The following ATP6V0A4 variants were observed in gnomAD, a reference collection of about 807,000 sequenced individuals.
ATP6V0A4 encodes ATPase H+ transporting V0 subunit a4.
Under a neutral mutation model 107.3 loss-of-function variants are expected in ATP6V0A4, and 86 were observed. The observed-to-expected ratio is 0.80, with a 90% CI of 0.67 to 0.96. The LOEUF is 0.96. Among genes scored for constraint, ATP6V0A4 ranks in the 40% least tolerant of loss-of-function variants. ATP6V0A4 has a pLI of 0.00. For synonymous variants in ATP6V0A4, 353 were observed against 381.4 expected (o/e 0.93, Z 0.87); for missense variants, 908 against 1,045.6 (o/e 0.87, Z 1.81).
chr7:138,797,693 G>A (rs1258071767), intron 1 of ATP6V0A4, among the ~76,000 whole-genome samples: 3 of 152,088 alleles, frequency 2.0e-5, no homozygotes, highest in Admixed American at 6.5e-5. Flanking sequence ...CATAGTGGGT[G>A]CTCAGTGAAT....
chr7:138,717,612 A>G (rs1288016217), intron 19 of ATP6V0A4, among the ~76,000 whole-genome samples: 1 of 151,700 alleles, frequency 6.6e-6, no homozygotes, highest in African/African-American at 2.4e-5. Context: ...CTTCATTCAG[A>G]GATAACAAAA....
At chr7:138,775,296 C>T (rs1807608210) in intron 2 of ATP6V0A4, among the ~76,000 whole-genome samples, 1 of 152,152 alleles carries the variant, frequency 6.6e-6, no homozygotes, top group African/African-American at 2.4e-5. Flanking sequence ...TATTTGGAAG[C>T]AAATCCCATA....
Position 138,747,483 on chromosome 7 carries a change from G to T in ATP6V0A4, c.1262C>A (p.Ala421Asp). 1 of 1,614,082 alleles carries T rather than the reference G, an allele frequency of 6.2e-7. No homozygotes were observed. The highest frequency in any genetic ancestry group is 2.2e-5 in the East Asian group (1 of 44,880). Reference protein sequence around the residue: ...DCGHGTVMLLAALWMILNERR... With the variant: ...DCGHGTVMLLDALWMILNERR... The stretch of plus-strand genomic sequence containing the variant: ...CTCATTCAGAATCATCCAAAGTGCA[G>T]CCAGGAGCATCACGGTTCCATGACC... The change falls in exon 13 of 22, where the codon GCT becomes GAT. Residue 421 changes from alanine to aspartate, a missense_variant. By Grantham distance (126) the Ala-to-Asp change is moderately radical. Coordinates refer to ENST00000310018, the MANE Select transcript of ATP6V0A4 (RefSeq NM_020632.3).
In ATP6V0A4 at chr7:138,722,572, C is replaced by T. The variant is rs140852129; in HGVS notation, c.2011-547G>A. Among the ~76,000 whole-genome samples the T allele has an allele frequency of 2.7e-3, 409 of 150,284 alleles. 3 individuals carry two copies. The highest frequency in any genetic ancestry group is 9.8e-3 in the African/African-American group (402 of 40,902). ...AGGAGTTCGAGACCAGCCTGGCACCCCGTCTCTATTAAAAATACAAAAAAT... is the reference window on the plus strand; with the variant it reads ...AGGAGTTCGAGACCAGCCTGGCACCTCGTCTCTATTAAAAATACAAAAAAT... On this transcript the variant is annotated intron_variant, in intron 18 of 21. Coordinates refer to ENST00000310018, the MANE Select transcript of ATP6V0A4 (RefSeq NM_020632.3).
chr7:138,719,552 T>C (rs946441452), intron 19 of ATP6V0A4, among the ~76,000 whole-genome samples: 1 of 152,284 alleles, frequency 6.6e-6, no homozygotes, highest in East Asian at 1.9e-4. Context: ...CAGTAAAACT[T>C]TGGACACTGA....
In ATP6V0A4 at chr7:138,749,241, G is replaced by A; in HGVS notation, c.1106C>T (p.Thr369Ile). Reference protein sequence around the residue: ...SKTAPPTFNRTNKFTAGFQNI... With the variant: ...SKTAPPTFNRINKFTAGFQNI... ...CTGGAAGCCAGCTGTGAATTTATTG[G>A]TCCTGTTAAATGTGGGAGGGGCTGT... The change falls in exon 12 of 22, where the codon ACC becomes ATC. Residue 369 changes from threonine (T) to isoleucine (I), a missense_variant. Physicochemically the swap from Thr to Ile is moderately conservative, Grantham distance 89. Transcript: ENST00000310018. 1 of 1,613,738 alleles carries A rather than the reference G, an allele frequency of 6.2e-7. No homozygotes were observed. The highest frequency in any genetic ancestry group is 8.5e-7 in the Non-Finnish European group (1 of 1,179,880).
intron 12 of ATP6V0A4, among the ~76,000 whole-genome samples, chr7:138,747,954 C>T (rs1584922615): frequency 1.3e-5 from 2 of 151,938 alleles, no homozygotes; most frequent in African/African-American, 4.8e-5. Context: ...TGAGGTCTCG[C>T]TATATTGCCC....
chr7:138,786,581 G>GA (rs35642413), intron 1 of ATP6V0A4, among the ~76,000 whole-genome samples: 54,160 of 145,962 alleles, frequency 0.37, 11,014 homozygotes, highest in South Asian at 0.51. Flanking sequence ...CTTGTCTCAG[G>GA]AAAAAAAAAA....
chr7:138,727,725 GC>G (rs1804790214), intron 18 of ATP6V0A4, among the ~76,000 whole-genome samples: 1 of 152,330 alleles, frequency 6.6e-6, no homozygotes, highest in South Asian at 2.1e-4. Context: ...CACGGTCTCA[GC>G]ACATTCCGCT....
At chr7:138,760,022 A>G (rs545846569) in intron 7 of ATP6V0A4, 144 bp from the exon 8 acceptor site, 36 of 1,469,502 alleles carry the variant, frequency 2.4e-5, no homozygotes, top group Non-Finnish European at 3.1e-5. Flanking sequence ...CTCTACCGAC[A>G]TGAGTCCCAA....
chr7:138,763,577 G>A (rs533464000), intron 5 of ATP6V0A4, among the ~76,000 whole-genome samples: 1 of 152,120 alleles, frequency 6.6e-6, no homozygotes, highest in Non-Finnish European at 1.5e-5. Context: ...GTGGTGAGCC[G>A]AGATCGTGCC....
intron 1 of ATP6V0A4, among the ~76,000 whole-genome samples, chr7:138,792,069 G>T (rs964698960): frequency 6.6e-6 from 1 of 152,200 alleles, no homozygotes; most frequent in Non-Finnish European, 1.5e-5. Context: ...AGCACTTTGG[G>T]AGGCCGAGGT....
intron 2 of ATP6V0A4, among the ~76,000 whole-genome samples, chr7:138,780,380 G>T (rs1377389739): frequency 6.6e-6 from 1 of 152,276 alleles, no homozygotes; most frequent in Middle Eastern, 3.4e-3. Context: ...GACACGACAG[G>T]AGGTGGAGGC....
At chr7:138,723,243 A>C (rs1017053410) in intron 18 of ATP6V0A4, among the ~76,000 whole-genome samples, 1 of 152,130 alleles carries the variant, frequency 6.6e-6, no homozygotes, top group African/African-American at 2.4e-5. Context: ...GTGCCTTTCC[A>C]TTGTTAAAAG....
chr7:138,756,378 C>T (rs1394577733), intron 9 of ATP6V0A4, 80 bp downstream of exon 9: 21 of 1,605,204 alleles, frequency 1.3e-5, no homozygotes, highest in East Asian at 4.5e-5. Context: ...AAGCCACAGT[C>T]ATGTGCATTT....
At chr7:138,794,133 C>T (rs902579939) in intron 1 of ATP6V0A4, among the ~76,000 whole-genome samples, 1 of 152,116 alleles carries the variant, frequency 6.6e-6, no homozygotes, top group Non-Finnish European at 1.5e-5. Flanking sequence ...CTAGATGTTT[C>T]GGTCCCACAA....
At chr7:138,722,255 G>A (rs1236042969) in intron 18 of ATP6V0A4, among the ~76,000 whole-genome samples, 1 of 152,048 alleles carries the variant, frequency 6.6e-6, no homozygotes, top group Non-Finnish European at 1.5e-5. Flanking sequence ...ATGTGCCCGG[G>A]AGGCACAGCT....
intron 19 of ATP6V0A4, 149 bp from the exon 20 acceptor site, chr7:138,716,030 A>G (rs1276071338): frequency 8.7e-7 from 1 of 1,146,510 alleles, no homozygotes; most frequent in Non-Finnish European, 1.3e-6. Flanking sequence ...AGACTTAGAG[A>G]AAGAATTATC....
chr7:138,714,203 T>C (rs1803905894), intron 20 of ATP6V0A4, among the ~76,000 whole-genome samples: 1 of 137,614 alleles, frequency 7.3e-6, no homozygotes. Context: ...GCCACTGCAC[T>C]CCATCCTGGG....
Sources: gnomAD v4.1 joint callset for allele counts (sites outside exome capture counted in the v4.1 genomes callset) on GRCh38, gnomAD v4.1.1 for gene constraint, MANE v1.5 for transcripts, NCBI Gene and HGNC (gene_info 2026-07-23, HGNC 2026-07-21) for gene names.